MS4A12: variants seen among roughly 807,000 people sequenced by gnomAD.
The protein encoded by MS4A12 is membrane spanning 4-domains A12.
A neutral mutation model predicts 23.7 loss-of-function variants in MS4A12; 28 were observed. The ratio of observed to expected loss-of-function variants is 1.18; its 90% CI spans 0.88 to 1.62. The LOEUF (loss-of-function observed/expected upper bound fraction) is 1.62. Ranked by LOEUF, MS4A12 falls within the 40% of genes most tolerant of loss-of-function variation. The probability of loss-of-function intolerance (pLI) is 0.00; values close to 1 mark genes in which losing one functional copy is unlikely to be tolerated. For missense variants in MS4A12, 342 were observed against 327.0 expected, an observed-to-expected ratio of 1.05 and a Z score of -0.35; for synonymous variants, 108 against 110.1, an observed-to-expected ratio of 0.98 and a Z score of 0.12.
intron 2 of MS4A12, among the ~76,000 whole-genome samples, 171 bp from the exon 3 acceptor site, chr11:60,500,874 T>C (rs926162426): frequency 2.0e-5 from 3 of 152,232 alleles, no homozygotes; most frequent in African/African-American, 7.2e-5. Flanking sequence ...CCAGTTATTC[T>C]AGTATATGTC....
chr11:60,503,796 TG>T lies in MS4A12; in HGVS notation c.569del (p.Gly190AlafsTer17), dbSNP rs1321800478. ...LVDMCINGVA[G>X]QDYWAVLSGK... The stretch of plus-strand genomic sequence containing the variant: ...TGGATATGTGCATCAATGGGGTAGC[TG>T]GCCAAGACTACTGGGCCGTGGTAAG... On this transcript the variant is annotated frameshift_variant, in exon 5 of 7. Coordinates refer to ENST00000016913, the MANE Select transcript of MS4A12 (RefSeq NM_017716.3). LOFTEE classifies it high-confidence loss of function. 1 of 1,613,750 alleles carries T rather than the reference TG, an allele frequency of 6.2e-7. No individual in the cohort carries two copies. The highest frequency in any genetic ancestry group is 1.3e-5 in the African/African-American group (1 of 74,916).
chr11:60,503,955 A>T, intron 5 of MS4A12, 138 bp downstream of exon 5: 1 of 699,534 alleles, frequency 1.4e-6, no homozygotes, highest in African/African-American at 1.8e-5. Flanking sequence ...TAGTCATATG[A>T]TCTCTAGGAC....
intron 3 of MS4A12, 34 bp downstream of exon 3, chr11:60,501,216 G>A: frequency 7.1e-6 from 11 of 1,554,714 alleles, no homozygotes; most frequent in South Asian, 1.2e-5. Flanking sequence ...GTCCTTCTTG[G>A]TTTATAAAGT....
chr11:60,498,554 T>G (rs2086506762), intron 2 of MS4A12, among the ~76,000 whole-genome samples: 1 of 152,152 alleles, frequency 6.6e-6, no homozygotes, highest in African/African-American at 2.4e-5. Context: ...CACAGGTGCT[T>G]GGAATATCAT....
rs2086533207 is a variant in MS4A12 at position 60,501,903 on chromosome 11, G to A, written c.415-80G>A. ...GAAGGAAACTAGATGAACATAAATA[G>A]ACCAACCTTTCATATAAAGAGAAAT... On this transcript the variant is annotated intron_variant, in intron 3 of 6. Transcript: ENST00000016913. 3.0e-6 allele frequency: 4 copies of A among 1,328,656 alleles called. No homozygotes were observed. The South Asian group carries it at 5.1e-5, about 17-fold the overall frequency. 82.3% of individuals were successfully genotyped at this position (1,328,656 alleles called of 1,614,324 possible).
At chr11:60,494,866 A>G (rs977563677) in intron 1 of MS4A12, among the ~76,000 whole-genome samples, 1 of 152,232 alleles carries the variant, frequency 6.6e-6, no homozygotes, top group Admixed American at 6.5e-5. Context: ...AACCAGATCC[A>G]TAGGATGTAT....
Position 60,507,006 on chromosome 11 carries a change from T to C in MS4A12, c.700-14T>C, listed in dbSNP as rs754724227. 2 of 1,601,832 alleles carry C rather than the reference T, an allele frequency of 1.2e-6. No homozygotes were observed. The highest frequency in any genetic ancestry group is 1.7e-6 in the Non-Finnish European group (2 of 1,168,862). On this transcript the variant is annotated splice_polypyrimidine_tract_variant and intron_variant, in intron 6 of 6. Coordinates refer to ENST00000016913, the MANE Select transcript of MS4A12 (RefSeq NM_017716.3). Reference sequence around the variant, plus strand: ...GTAGTAACCATATTGCTTGTTTTTATTCATTCTTTCCAGTCTGTCCTGGTT... The same window carrying C: ...GTAGTAACCATATTGCTTGTTTTTACTCATTCTTTCCAGTCTGTCCTGGTT...
Position 60,507,042 on chromosome 11 carries a change from T to C in MS4A12, c.722T>C (p.Met241Thr), listed in dbSNP as rs748792642. 5.6e-6 allele frequency: 9 copies of C among 1,613,770 alleles called. No individual in the cohort carries two copies. Among genetic ancestry groups the C allele is most frequent in the Admixed American group, 1.7e-5 (1 of 60,008 alleles). The part of the protein sequence containing the change: ...TNMSVLVIPN[M>T]YESNPVTPAS... ...CAGTCTGTCCTGGTTATTCCAAATA[T>C]GTATGAAAGCAACCCTGTGACACCA... Residue 241 changes from methionine (M) to threonine (T), a missense_variant, in exon 7 of 7, where the codon ATG becomes ACG. Met to Thr is a moderately conservative substitution (Grantham distance 81). Coordinates refer to ENST00000016913, the MANE Select transcript of MS4A12 (RefSeq NM_017716.3).
intron 1 of MS4A12, among the ~76,000 whole-genome samples, chr11:60,495,437 G>A (rs1029198008): frequency 6.6e-6 from 1 of 151,546 alleles, no homozygotes; most frequent in African/African-American, 2.4e-5. Flanking sequence ...GTGAAATGGG[G>A]ATTTTAGTAG....
At chr11:60,495,363 C>T (rs553132932) in intron 1 of MS4A12, among the ~76,000 whole-genome samples, 1 of 151,220 alleles carries the variant, frequency 6.6e-6, no homozygotes, top group East Asian at 1.9e-4. Context: ...CAACCATTTT[C>T]AGTTGCATCT....
intron 2 of MS4A12, among the ~76,000 whole-genome samples, chr11:60,498,512 G>A (rs1490171275): frequency 6.6e-6 from 1 of 152,052 alleles, no homozygotes; most frequent in Non-Finnish European, 1.5e-5. Context: ...TAAGCCAATG[G>A]GACAAACTAA....
In MS4A12 at chr11:60,501,153, G is replaced by C. The variant is rs1237153780; in HGVS notation, c.385G>C (p.Gly129Arg). 6.2e-7 allele frequency: 1 copy of C among 1,612,162 alleles called. No homozygotes were observed. The highest frequency in any genetic ancestry group is 1.7e-5 in the Admixed American group (1 of 59,696). Residue 129 changes from glycine to arginine, a missense_variant, in exon 3 of 7, where the codon GGT becomes CGT. Coordinates refer to ENST00000016913, the MANE Select transcript of MS4A12 (RefSeq NM_017716.3). ...VLGFASTAVI[G>R]GYPFWGGLSF... ...AGGTTTTGCCTCTACTGCTGTTATT[G>C]GTGGATACCCATTCTGGGGTGGCCT... is the stretch of plus-strand genomic sequence containing the variant.
chr11:60,503,667 T>C (rs758759676), intron 4 of MS4A12, 34 bp from the exon 5 acceptor site: 3 of 1,502,730 alleles, frequency 2.0e-6, no homozygotes, highest in Non-Finnish European at 1.8e-6. Context: ...AGTGATCCTG[T>C]ATATAATTGA....
chr11:60,495,235 C>T (rs2086479641), intron 1 of MS4A12, among the ~76,000 whole-genome samples: 2 of 151,684 alleles, frequency 1.3e-5, no homozygotes. Flanking sequence ...ATCTCCTGAC[C>T]TCGGGATCTG....
intron 1 of MS4A12, among the ~76,000 whole-genome samples, chr11:60,494,936 A>G (rs1037067354): frequency 6.6e-6 from 1 of 152,074 alleles, no homozygotes; most frequent in East Asian, 1.9e-4. Flanking sequence ...AGTCACAGCT[A>G]TGGACTTGTT....
At chr11:60,504,098 T>C (rs897786545) in intron 5 of MS4A12, among the ~76,000 whole-genome samples, 4 of 152,214 alleles carry the variant, frequency 2.6e-5, no homozygotes, top group Non-Finnish European at 5.9e-5. Context: ...CTTCTAAAAT[T>C]GTCCAAAAAT....
chr11:60,497,300 T>A lies in MS4A12; in HGVS notation c.-6-13T>A. The A allele has an allele frequency of 6.3e-7, 1 of 1,587,666 alleles. No individual in the cohort carries two copies. The highest frequency in any genetic ancestry group is 8.6e-7 in the Non-Finnish European group (1 of 1,168,716). On this transcript the variant is annotated splice_polypyrimidine_tract_variant and intron_variant, in intron 1 of 6. Transcript: ENST00000016913. ...GATAAACGTATCACTTTTGTATGTT[T>A]TGTGATACTTAGGACATAATGATGT...
chr11:60,499,258 G>A (rs745852800), intron 2 of MS4A12, among the ~76,000 whole-genome samples: 1 of 152,172 alleles, frequency 6.6e-6, no homozygotes, highest in Admixed American at 6.5e-5. Flanking sequence ...TGCTTCTGTG[G>A]CCAAAAATGC....
chr11:60,495,556 C>T (rs2086482218), intron 1 of MS4A12, among the ~76,000 whole-genome samples: 1 of 151,964 alleles, frequency 6.6e-6, no homozygotes, highest in South Asian at 2.1e-4. Flanking sequence ...ATTCCACATA[C>T]TTTGCAGAGA....
Sources: allele counts gnomAD v4.1 joint callset (sites outside exome capture counted in the v4.1 genomes callset), GRCh38; gene constraint gnomAD v4.1.1; transcripts MANE v1.5; gene names NCBI Gene and HGNC (gene_info 2026-07-23, HGNC 2026-07-21).